Variants in VAT1L observed in about 807,000 individuals in gnomAD.
The protein encoded by VAT1L is vesicle amine transport 1 like, also known as putative NADPH-dependent quinone oxidoreductase VAT1L.
Under a neutral mutation model 44.1 loss-of-function variants are expected in VAT1L, and 34 were observed. The observed-to-expected ratio is 0.77, with a 90% CI of 0.59 to 1.03. The LOEUF is 1.03. Ranked by LOEUF, VAT1L falls within the 50% of genes least tolerant of loss-of-function variation. The pLI is 0.00. For missense variants in VAT1L, 615 were observed against 538.8 expected (o/e 1.14, Z -1.40); for synonymous variants, 253 against 202.2 (o/e 1.25, Z -2.13).
At chr16:77,888,853 T>C (rs1037197431) in intron 7 of VAT1L, among the ~76,000 whole-genome samples, 4 of 152,176 alleles carry the variant, frequency 2.6e-5, no homozygotes, top group Non-Finnish European at 5.9e-5. Flanking sequence ...GAATTCTACG[T>C]TCCTGTAGCA....
At chr16:77,806,460 C>T (rs1247654625) in intron 1 of VAT1L, among the ~76,000 whole-genome samples, 6 of 150,046 alleles carry the variant, frequency 4.0e-5, no homozygotes, top group African/African-American at 1.2e-4. Context: ...CTGCCCACCT[C>T]GGCCTCCCAA....
intron 2 of VAT1L, among the ~76,000 whole-genome samples, chr16:77,821,137 T>C (rs1448720667): frequency 6.6e-6 from 1 of 152,224 alleles, no homozygotes; most frequent in Non-Finnish European, 1.5e-5. Flanking sequence ...CATTGGGTCA[T>C]GCATTGAGAA....
At chr16:77,951,607 A>G (rs1016396093) in intron 7 of VAT1L, among the ~76,000 whole-genome samples, 12 of 152,150 alleles carry the variant, frequency 7.9e-5, no homozygotes, top group African/African-American at 2.4e-4. Flanking sequence ...TTAATTAGCA[A>G]AACAAAACTA....
intron 2 of VAT1L, 66 bp downstream of exon 2, chr16:77,817,116 T>C: frequency 1.9e-6 from 3 of 1,568,370 alleles, no homozygotes; most frequent in Non-Finnish European, 2.6e-6. Context: ...CAAAAGATGA[T>C]GCAGAAAGAA....
chr16:77,933,907 G>A (rs2017761933), intron 7 of VAT1L, among the ~76,000 whole-genome samples: 1 of 152,188 alleles, frequency 6.6e-6, no homozygotes, highest in Non-Finnish European at 1.5e-5. Context: ...GCACAATCGG[G>A]AATCTGGAAA....
At chr16:77,906,236 T>A (rs1332043366) in intron 7 of VAT1L, among the ~76,000 whole-genome samples, 1 of 152,204 alleles carries the variant, frequency 6.6e-6, no homozygotes, top group Non-Finnish European at 1.5e-5. Context: ...GGAGAGAGAT[T>A]TGATGTTTAA....
At chr16:77,906,334 C>G (rs143528337) in intron 7 of VAT1L, among the ~76,000 whole-genome samples, 98 of 152,296 alleles carry the variant, frequency 6.4e-4, no homozygotes, top group African/African-American at 2.2e-3. Context: ...GAAAACCAGG[C>G]AAAGCTTCAA....
chr16:77,892,647 A>T, intron 7 of VAT1L: 1 of 705,912 alleles, frequency 1.4e-6, no homozygotes, highest in Non-Finnish European at 2.7e-6. Context: ...ACTGGTGGCA[A>T]CTCCATCTAT....
At chr16:77,946,133 T>C (rs72796741) in intron 7 of VAT1L, among the ~76,000 whole-genome samples, 5,627 of 152,056 alleles carry the variant, frequency 0.037, 165 homozygotes, top group East Asian at 0.11. Context: ...TATCACATTG[T>C]ACAAAAAAAT....
At chr16:77,970,251 A>T (rs959759454) in intron 7 of VAT1L, among the ~76,000 whole-genome samples, 2 of 152,058 alleles carry the variant, frequency 1.3e-5, no homozygotes, top group African/African-American at 4.8e-5. Context: ...AAATGTGTTG[A>T]TTCCGATCAC....
At chr16:77,894,789 T>C (rs1455948279) in intron 7 of VAT1L, among the ~76,000 whole-genome samples, 1 of 152,036 alleles carries the variant, frequency 6.6e-6, no homozygotes, top group Non-Finnish European at 1.5e-5. Flanking sequence ...ATATTACACA[T>C]GAGAAAGGGA....
At chr16:77,920,613 T>C (rs1371175003) in intron 7 of VAT1L, among the ~76,000 whole-genome samples, 1 of 152,220 alleles carries the variant, frequency 6.6e-6, no homozygotes, top group Non-Finnish European at 1.5e-5. Context: ...TATAATGACA[T>C]TTCAGTCCAC....
intron 1 of VAT1L, among the ~76,000 whole-genome samples, chr16:77,810,365 T>A (rs2016243416): frequency 6.6e-6 from 1 of 152,148 alleles, no homozygotes; most frequent in African/African-American, 2.4e-5. Context: ...AATCTGTGTT[T>A]TAACCAGCCC....
At chr16:77,810,360 G>A (rs2016243373) in intron 1 of VAT1L, among the ~76,000 whole-genome samples, 1 of 152,116 alleles carries the variant, frequency 6.6e-6, no homozygotes, top group African/African-American at 2.4e-5. Context: ...CCAAAAATCT[G>A]TGTTTTAACC....
At chr16:77,794,133 A>C (rs1272191899) in intron 1 of VAT1L, among the ~76,000 whole-genome samples, 1 of 152,228 alleles carries the variant, frequency 6.6e-6, no homozygotes, top group African/African-American at 2.4e-5. Context: ...TAAAAGAGAA[A>C]GAGACAGAGA....
At chr16:77,898,415 G>C (rs2017347208) in intron 7 of VAT1L, among the ~76,000 whole-genome samples, 1 of 152,152 alleles carries the variant, frequency 6.6e-6, no homozygotes, top group African/African-American at 2.4e-5. Flanking sequence ...AAGGGCTAAA[G>C]AGATAAAATT....
Position 77,879,209 on chromosome 16 carries a change from C to T in VAT1L, c.867C>T (p.Phe289=). 6 of 1,614,224 alleles carry T rather than the reference C, an allele frequency of 3.7e-6. No individual in the cohort carries two copies. Among genetic ancestry groups the T allele is most frequent in the Non-Finnish European group, 4.2e-6 (5 of 1,180,040 alleles). The change falls in exon 6 of 9, where the codon TTC becomes TTT. Residue 289 remains phenylalanine (F), a synonymous_variant. Coordinates refer to ENST00000302536, the MANE Select transcript of VAT1L (RefSeq NM_020927.3). The surrounding 1 kb of genome is among the most constrained non-coding windows in gnomAD (Gnocchi z 4.1). ...TAACTGGAGAGACCAAGAGCTTCTT[C>T]AGCTTTGCAAAATCAGTAAGTATCC... ...NMVTGETKSF[F]SFAKSWWQVE...
intron 3 of VAT1L, 60 bp from the exon 4 acceptor site, chr16:77,862,688 A>G: frequency 6.5e-7 from 1 of 1,546,970 alleles, no homozygotes; most frequent in Non-Finnish European, 8.8e-7. Context: ...TACACCCAGC[A>G]AGACTGGCTA....
chr16:77,929,083 G>A (rs528308162), intron 7 of VAT1L, among the ~76,000 whole-genome samples: 1 of 152,276 alleles, frequency 6.6e-6, no homozygotes, highest in Admixed American at 6.5e-5. Context: ...CAAAGTGCTA[G>A]GATTACAGGT....
Sources: allele counts gnomAD v4.1 joint callset (sites outside exome capture counted in the v4.1 genomes callset), GRCh38; gene constraint gnomAD v4.1.1; non-coding constraint Gnocchi (gnomAD v3.1); transcripts MANE v1.5; gene names NCBI Gene and HGNC (gene_info 2026-07-23, HGNC 2026-07-21).